CNTNAP2: variants seen among roughly 807,000 people sequenced by gnomAD.
CNTNAP2 encodes the protein contactin-associated protein-like 2.
A neutral mutation model predicts 155.2 loss-of-function variants in CNTNAP2; 98 were observed. That is an observed-to-expected ratio of 0.63 (90% CI 0.54 to 0.75). The LOEUF (loss-of-function observed/expected upper bound fraction) is 0.75, where lower values mean the gene tolerates loss of function less well. Ranked by LOEUF, CNTNAP2 falls within the 30% of genes least tolerant of loss-of-function variation. The pLI is 0.00. For missense variants in CNTNAP2, 1,727 were observed against 1,688.1 expected, an observed-to-expected ratio of 1.02 and a Z score of -0.40; for synonymous variants, 651 against 631.2, an observed-to-expected ratio of 1.03 and a Z score of -0.47.
intron 1 of CNTNAP2, among the ~76,000 whole-genome samples, chr7:146,592,881 C>A (rs1798804011): frequency 6.6e-6 from 1 of 152,060 alleles, no homozygotes; most frequent in Admixed American, 6.6e-5. Flanking sequence ...CTACAGCTTG[C>A]AAACTGCATG....
chr7:147,136,038 A>C (rs1360508282), intron 8 of CNTNAP2, among the ~76,000 whole-genome samples: 7 of 151,500 alleles, frequency 4.6e-5, no homozygotes, highest in East Asian at 1.9e-4. Flanking sequence ...AAAAAAAAAA[A>C]CCTACCTTTT....
chr7:146,544,448 C>G (rs1797999121), intron 1 of CNTNAP2, among the ~76,000 whole-genome samples: 1 of 151,992 alleles, frequency 6.6e-6, no homozygotes, highest in African/African-American at 2.4e-5. Flanking sequence ...CAGCCTAAAA[C>G]AGTTGTTCTT....
intron 8 of CNTNAP2, among the ~76,000 whole-genome samples, chr7:147,160,434 C>T (rs1354074163): frequency 6.6e-6 from 1 of 151,998 alleles, no homozygotes; most frequent in Non-Finnish European, 1.5e-5. Flanking sequence ...GATTACAAAC[C>T]AGATTGCTAG....
At chr7:147,574,883 G>A (rs1208821239) in intron 12 of CNTNAP2, among the ~76,000 whole-genome samples, 1 of 152,032 alleles carries the variant, frequency 6.6e-6, no homozygotes, top group Non-Finnish European at 1.5e-5. Flanking sequence ...GGAGACCTAG[G>A]GATCTACTAT....
At position 146,796,487 on chromosome 7, in the gene CNTNAP2, T is replaced by A. The variant is rs1214099428; in HGVS notation, c.208+22106T>A. Among the ~76,000 whole-genome samples the A allele has an allele frequency of 2.0e-5, 3 of 152,096 alleles. No individual in the cohort carries two copies. In the East Asian group the frequency reaches 5.8e-4, roughly 29 times the overall value. On this transcript the variant is annotated intron_variant, in intron 2 of 23. Transcript: ENST00000361727. Reference sequence around the variant, plus strand: ...AATTTTTTGTCAGCTTCTCCTGGGGTACTTTGGACCAGCTGGTGTCAGTAA... The same window carrying A: ...AATTTTTTGTCAGCTTCTCCTGGGGAACTTTGGACCAGCTGGTGTCAGTAA...
At chr7:148,352,053 C>T (rs1228624892) in intron 21 of CNTNAP2, among the ~76,000 whole-genome samples, 1 of 152,172 alleles carries the variant, frequency 6.6e-6, no homozygotes, top group Non-Finnish European at 1.5e-5. Context: ...CGTATCTTCT[C>T]CAAAGGAGAT....
chr7:146,903,272 T>C (rs1405752985), intron 3 of CNTNAP2, among the ~76,000 whole-genome samples: 2 of 152,188 alleles, frequency 1.3e-5, no homozygotes, highest in South Asian at 2.1e-4. Flanking sequence ...CATTTTCTTA[T>C]GAGATATACC....
chr7:146,533,695 T>C (rs968685185), intron 1 of CNTNAP2, among the ~76,000 whole-genome samples: 3 of 152,110 alleles, frequency 2.0e-5, no homozygotes, highest in African/African-American at 7.2e-5. Context: ...TCTCAGTCCA[T>C]CTGTGTCATT....
chr7:146,246,040 A>G (rs1390871486), intron 1 of CNTNAP2, among the ~76,000 whole-genome samples: 1 of 151,734 alleles, frequency 6.6e-6, no homozygotes, highest in Non-Finnish European at 1.5e-5. Context: ...GGGAATTGTA[A>G]GGAGAGTTTA....
chr7:146,504,368 G>C (rs1187401492), intron 1 of CNTNAP2, among the ~76,000 whole-genome samples: 3 of 152,214 alleles, frequency 2.0e-5, no homozygotes, highest in Non-Finnish European at 4.4e-5. Context: ...CAGCTGCCTT[G>C]ATTTCCTGGG....
chr7:147,286,661 A>G (rs961980599), intron 8 of CNTNAP2, among the ~76,000 whole-genome samples: 6 of 152,142 alleles, frequency 3.9e-5, no homozygotes, highest in South Asian at 2.1e-4. Flanking sequence ...TTTGGGGTAT[A>G]TATGAATGAG....
intron 1 of CNTNAP2, among the ~76,000 whole-genome samples, chr7:146,130,665 T>C (rs1797700703): frequency 6.6e-6 from 1 of 152,212 alleles, no homozygotes; most frequent in Non-Finnish European, 1.5e-5. Flanking sequence ...TTTATTGCTG[T>C]GTTAGTTTGT....
chr7:146,717,019 C>T (rs745796280), intron 1 of CNTNAP2, among the ~76,000 whole-genome samples: 5,168 of 152,186 alleles, frequency 0.034, 128 homozygotes, highest in East Asian at 0.12. Flanking sequence ...CAAACAACTC[C>T]AAGATTGGTT....
At chr7:147,030,551 T>G (rs2129250039) in intron 3 of CNTNAP2, among the ~76,000 whole-genome samples, 1 of 152,344 alleles carries the variant, frequency 6.6e-6, no homozygotes, top group Middle Eastern at 3.4e-3. Flanking sequence ...ATAAGTTCAT[T>G]TAACGGTAAA....
chr7:148,078,534 G>A (rs958059703), intron 15 of CNTNAP2, among the ~76,000 whole-genome samples: 2 of 152,070 alleles, frequency 1.3e-5, no homozygotes, highest in Non-Finnish European at 2.9e-5. Flanking sequence ...AGGCTGGAGT[G>A]CAATGGTGCC....
intron 1 of CNTNAP2, among the ~76,000 whole-genome samples, chr7:146,621,200 T>C (rs565597422): frequency 6.6e-6 from 1 of 152,332 alleles, no homozygotes; most frequent in South Asian, 2.1e-4. Context: ...TAAACATTTT[T>C]ATTTTAGAAT....
rs979408298 is a variant in CNTNAP2, at chr7:147,462,976, T to C, written c.1671-22959T>C. 6.0e-4 allele frequency among the ~76,000 whole-genome samples: 91 copies of C among 152,226 alleles called. 1 individual carries two copies. The highest frequency in any genetic ancestry group is 2.9e-5 in the Non-Finnish European group (2 of 68,042). ...AAATAACAAAATGGTAAAACTGTTT[T>C]ATTTGAATTAACACATTATTAAATG... is the stretch of plus-strand genomic sequence containing the variant. On this transcript the variant is annotated intron_variant, in intron 10 of 23. Coordinates refer to ENST00000361727, the MANE Select transcript of CNTNAP2 (RefSeq NM_014141.6).
chr7:146,444,979 A>G (rs1167752297), intron 1 of CNTNAP2, among the ~76,000 whole-genome samples: 1 of 151,852 alleles, frequency 6.6e-6, no homozygotes, highest in Non-Finnish European at 1.5e-5. Flanking sequence ...CGCCCAGCCC[A>G]TGGATTCTAA....
At chr7:148,338,774 G>A (rs1216630732) in intron 21 of CNTNAP2, among the ~76,000 whole-genome samples, 1 of 152,072 alleles carries the variant, frequency 6.6e-6, no homozygotes, top group Non-Finnish European at 1.5e-5. Flanking sequence ...GAAAAGTGTG[G>A]GATTTAAGGC....
Sources: allele counts gnomAD v4.1 joint callset (sites outside exome capture counted in the v4.1 genomes callset), GRCh38; gene constraint gnomAD v4.1.1; transcripts MANE v1.5; gene names NCBI Gene and HGNC (gene_info 2026-07-23, HGNC 2026-07-21).